IL20RA: variants seen among roughly 807,000 people sequenced by gnomAD.
IL20RA encodes the protein interleukin-20 receptor subunit alpha.
In IL20RA, 29 loss-of-function variants were observed where a neutral mutation model predicts 36.5. That is an observed-to-expected ratio of 0.79 (90% CI 0.59 to 1.08). IL20RA has a LOEUF of 1.08. Ranked by LOEUF, IL20RA falls within the 50% of genes least tolerant of loss-of-function variation. The pLI is 0.00. For missense variants in IL20RA, 652 were observed against 668.4 expected, an observed-to-expected ratio of 0.98 and a Z score of 0.27; for synonymous variants, 279 against 267.1, an observed-to-expected ratio of 1.04 and a Z score of -0.43.
At chr6:137,044,349 C>A in intron 1 of IL20RA, 1 of 1,065,696 alleles carries the variant, frequency 9.4e-7, no homozygotes, top group Non-Finnish European at 1.1e-6. Context: ...CAGAGCGCAC[C>A]CCCCACCGAA....
At chr6:137,012,370 T>C (rs1775530475) in intron 2 of IL20RA, among the ~76,000 whole-genome samples, 1 of 152,156 alleles carries the variant, frequency 6.6e-6, no homozygotes, top group Non-Finnish European at 1.5e-5. Flanking sequence ...TCTCTTTCTG[T>C]CTGGGGCAGA....
intron 5 of IL20RA, among the ~76,000 whole-genome samples, chr6:137,006,640 G>A (rs1368496885): frequency 6.6e-6 from 1 of 152,142 alleles, no homozygotes; most frequent in Non-Finnish European, 1.5e-5. Context: ...CAGTGTGTTG[G>A]AAAGATATCT....
intron 3 of IL20RA, among the ~76,000 whole-genome samples, chr6:137,010,983 C>A (rs1775471742): frequency 6.6e-6 from 1 of 151,984 alleles, no homozygotes; most frequent in African/African-American, 2.4e-5. Context: ...ATGCCTGTAA[C>A]CCTAACACTT....
intron 1 of IL20RA, among the ~76,000 whole-genome samples, chr6:137,022,486 C>G (rs1238524454): frequency 1.3e-5 from 2 of 152,144 alleles, no homozygotes; most frequent in African/African-American, 4.8e-5. Context: ...CTTTGTCTCC[C>G]ATATAAATCA....
chr6:137,005,489 A>T (rs1430396381), intron 5 of IL20RA, among the ~76,000 whole-genome samples: 1 of 152,190 alleles, frequency 6.6e-6, no homozygotes, highest in Non-Finnish European at 1.5e-5. Context: ...ATCAGGCCAT[A>T]TAGCTGATGA....
intron 1 of IL20RA, among the ~76,000 whole-genome samples, chr6:137,040,945 C>T (rs755897140): frequency 3.9e-5 from 6 of 152,168 alleles, no homozygotes; most frequent in Admixed American, 1.3e-4. Flanking sequence ...AGTGAAAAAT[C>T]GTAACTTTAT....
At chr6:137,043,899 A>G (rs1240970827) in intron 1 of IL20RA, among the ~76,000 whole-genome samples, 1 of 152,226 alleles carries the variant, frequency 6.6e-6, no homozygotes, top group African/African-American at 2.4e-5. Context: ...TTAATGAATC[A>G]TTCTGGTTTA....
At chr6:137,038,126 G>A (rs1010086985) in intron 1 of IL20RA, 1 of 150,566 alleles carries the variant, frequency 6.6e-6, no homozygotes, top group Non-Finnish European at 1.5e-5. Context: ...TACATCAAAA[G>A]GAATTCTGAA....
chr6:137,019,223 T>C (rs549518890), intron 1 of IL20RA, among the ~76,000 whole-genome samples: 138 of 152,124 alleles, frequency 9.1e-4, no homozygotes, highest in Middle Eastern at 3.4e-3. Context: ...ACTTCCCAGG[T>C]TCAAATGATT....
At chr6:137,035,295 G>T (rs1195448655) in intron 1 of IL20RA, among the ~76,000 whole-genome samples, 1 of 152,034 alleles carries the variant, frequency 6.6e-6, no homozygotes, top group Non-Finnish European at 1.5e-5. Flanking sequence ...CCTTGAGTAA[G>T]GAGAATGTGA....
chr6:137,041,469 C>T (rs1415910539), intron 1 of IL20RA, among the ~76,000 whole-genome samples: 1 of 151,974 alleles, frequency 6.6e-6, no homozygotes, highest in African/African-American at 2.4e-5. Context: ...TCTGCAAGTC[C>T]CAAATTAGTT....
At position 137,008,613 on chromosome 6, in the gene IL20RA, G is replaced by A. The variant is rs777386236; in HGVS notation, c.710C>T (p.Ala237Val). 6.3e-7 allele frequency: 1 copy of A among 1,599,788 alleles called. No homozygotes were observed. Among genetic ancestry groups the A allele is most frequent in the Non-Finnish European group, 8.5e-7 (1 of 1,173,420 alleles). Reference sequence around the variant, plus strand: ...TTAAAGCTTACCTTTCAAAGTCCTGGCACACTGCTTCTCAGAAGGCTGAGC... The same window carrying A: ...TTAAAGCTTACCTTTCAAAGTCCTGACACACTGCTTCTCAGAAGGCTGAGC... ...RRAQPSEKQCARTLKDQSSEF... is the reference protein window; with the variant it reads ...RRAQPSEKQCVRTLKDQSSEF... The change falls in exon 5 of 7, where the codon GCC (alanine) becomes GTC (valine). Residue 237 changes from alanine (A) to valine (V), a missense_variant. Coordinates refer to ENST00000316649, the MANE Select transcript of IL20RA (RefSeq NM_014432.4).
In IL20RA at chr6:137,001,955, T is replaced by A; in HGVS notation, c.1265A>T (p.Gln422Leu). The A allele has an allele frequency of 6.2e-7, 1 of 1,614,198 alleles. No homozygotes were observed. The highest frequency in any genetic ancestry group is 8.5e-7 in the Non-Finnish European group (1 of 1,180,044). Residue 422 changes from glutamine (Q) to leucine (L), a missense_variant, in exon 7 of 7, where the codon CAG becomes CTG. Coordinates refer to ENST00000316649, the MANE Select transcript of IL20RA (RefSeq NM_014432.4). ...TGTTCCTTGTGTGGACACCTCCTCC[T>A]GCAAACTGAGCTCCTGCTCTTCAGG... is the stretch of plus-strand genomic sequence containing the variant. Reference protein sequence around the residue: ...AGPEEQELSLQEEVSTQGTLL... With the variant: ...AGPEEQELSLLEEVSTQGTLL...
At chr6:137,037,722 A>G (rs1776537627) in intron 1 of IL20RA, among the ~76,000 whole-genome samples, 1 of 152,162 alleles carries the variant, frequency 6.6e-6, no homozygotes, top group African/African-American at 2.4e-5. Context: ...AAACTGGAAC[A>G]TATACTGGAA....
Position 137,017,046 on chromosome 6 carries a change from T to C in IL20RA, c.146A>G (p.Asn49Ser), listed in dbSNP as rs752875696. The change falls in exon 2 of 7, where the codon AAC becomes AGC. Residue 49 changes from asparagine (N) to serine (S), a missense_variant. Asn to Ser is a conservative substitution (Grantham distance 46). Coordinates refer to ENST00000316649, the MANE Select transcript of IL20RA (RefSeq NM_014432.4). ...AGTCCATTGTAGGACATTCTTCATGTTGATGGATAAGAAGGTGATGTTTGC... is the reference window on the plus strand; with the variant it reads ...AGTCCATTGTAGGACATTCTTCATGCTGATGGATAAGAAGGTGATGTTTGC... ...KPANITFLSI[N>S]MKNVLQWTPP... 2 of 1,612,974 alleles carry C rather than the reference T, an allele frequency of 1.2e-6. No individual in the cohort carries two copies. Among genetic ancestry groups the C allele is most frequent in the South Asian group, 1.1e-5 (1 of 91,040 alleles).
chr6:137,024,701 T>C (rs1776023550), intron 1 of IL20RA, among the ~76,000 whole-genome samples: 1 of 118,352 alleles, frequency 8.4e-6, no homozygotes, highest in South Asian at 3.9e-4. Flanking sequence ...CCCTTCTGCC[T>C]CTAGCATTCT....
intron 1 of IL20RA, among the ~76,000 whole-genome samples, chr6:137,034,435 C>CAGA (rs1776403803): frequency 6.6e-6 from 1 of 151,982 alleles, no homozygotes; most frequent in South Asian, 2.1e-4. Context: ...TTTCAGGATA[C>CAGA]ACGTGCAGAA....
rs1160643181 is a variant in IL20RA at position 137,002,040 on chromosome 6, G to A, written c.1180C>T (p.Pro394Ser). The A allele has an allele frequency of 6.2e-7, 1 of 1,614,154 alleles. No homozygotes were observed. The highest frequency in any genetic ancestry group is 1.7e-5 in the Admixed American group (1 of 60,022). ...TCATATTCAATGACTGTTTTATCCGGGGGTATTGTTCTGCTGAGGGACTCT... is the reference window on the plus strand; with the variant it reads ...TCATATTCAATGACTGTTTTATCCGAGGGTATTGTTCTGCTGAGGGACTCT... ...QQESLSRTIP[P>S]DKTVIEYEYD... Residue 394 changes from proline (P) to serine (S), a missense_variant, in exon 7 of 7, where the codon CCG becomes TCG. Transcript: ENST00000316649.
At chr6:137,007,921 G>A (rs1349219827) in intron 5 of IL20RA, among the ~76,000 whole-genome samples, 2 of 152,194 alleles carry the variant, frequency 1.3e-5, no homozygotes, top group Non-Finnish European at 2.9e-5. Flanking sequence ...CAATAAAATT[G>A]TCTGATGTTC....
Sources: allele counts gnomAD v4.1 joint callset (sites outside exome capture counted in the v4.1 genomes callset), GRCh38; gene constraint gnomAD v4.1.1; transcripts MANE v1.5; gene names NCBI Gene and HGNC (gene_info 2026-07-23, HGNC 2026-07-21).